AUTS2: variants seen among roughly 807,000 people sequenced by gnomAD.
AUTS2 encodes the protein activator of transcription and developmental regulator AUTS2.
A neutral mutation model predicts 112.4 loss-of-function variants in AUTS2; 17 were observed. The observed-to-expected ratio is 0.15, with a 90% CI of 0.10 to 0.23. The LOEUF (loss-of-function observed/expected upper bound fraction) is 0.23. Ranked by LOEUF, AUTS2 falls within the 10% of genes least tolerant of loss-of-function variation. The probability of loss-of-function intolerance (pLI) is 1.00; values close to 1 mark genes in which losing one functional copy is unlikely to be tolerated. For missense variants in AUTS2, 1,510 were observed against 1,701.6 expected, an observed-to-expected ratio of 0.89 and a Z score of 1.98; for synonymous variants, 751 against 702.7, an observed-to-expected ratio of 1.07 and a Z score of -1.09.
chr7:69,959,737 C>T (rs1489375526), intron 2 of AUTS2, among the ~76,000 whole-genome samples: 1 of 152,138 alleles, frequency 6.6e-6, no homozygotes. Flanking sequence ...AAAATCTGCA[C>T]ACTTCATACT....
At chr7:69,844,614 A>T (rs901381864) in intron 1 of AUTS2, among the ~76,000 whole-genome samples, 1 of 152,210 alleles carries the variant, frequency 6.6e-6, no homozygotes, top group Non-Finnish European at 1.5e-5. Context: ...CTACATTTAA[A>T]TGGAAATATT....
chr7:69,798,808 T>C (rs1047113095), intron 1 of AUTS2, among the ~76,000 whole-genome samples: 4 of 151,946 alleles, frequency 2.6e-5, no homozygotes, highest in African/African-American at 9.7e-5. Context: ...CTGGACAACA[T>C]AGTGGGATCC....
At chr7:70,505,787 A>T (rs1798936631) in intron 5 of AUTS2, among the ~76,000 whole-genome samples, 1 of 152,082 alleles carries the variant, frequency 6.6e-6, no homozygotes, top group African/African-American at 2.4e-5. Flanking sequence ...GGTTTGGGGG[A>T]GGTAGGACCT....
intron 4 of AUTS2, among the ~76,000 whole-genome samples, chr7:70,414,782 T>C (rs1011518046): frequency 2.6e-5 from 4 of 152,084 alleles, no homozygotes; most frequent in African/African-American, 9.7e-5. Flanking sequence ...GGGGAAAAAA[T>C]GTATAGCTTA....
intron 1 of AUTS2, among the ~76,000 whole-genome samples, chr7:69,778,325 A>C (rs1188961849): frequency 6.6e-6 from 1 of 150,570 alleles, no homozygotes; most frequent in East Asian, 1.9e-4. Flanking sequence ...TGGTCCATAG[A>C]CCACACTTGG....
At chr7:70,781,159 G>A (rs534742984) in intron 14 of AUTS2, among the ~76,000 whole-genome samples, 114 of 152,136 alleles carry the variant, frequency 7.5e-4, no homozygotes, top group African/African-American at 2.6e-3. Flanking sequence ...TCAGGAGTTT[G>A]AGACCAGCCT....
At chr7:70,738,037 A>G (rs1787871150) in intron 6 of AUTS2, among the ~76,000 whole-genome samples, 2 of 152,014 alleles carry the variant, frequency 1.3e-5, no homozygotes, top group Admixed American at 1.3e-4. Flanking sequence ...TTTGTCAGAT[A>G]AAGTCCATAA....
intron 5 of AUTS2, among the ~76,000 whole-genome samples, chr7:70,641,762 T>C (rs896160714): frequency 6.6e-6 from 1 of 152,196 alleles, no homozygotes; most frequent in Non-Finnish European, 1.5e-5. Context: ...GTCAAGTAGA[T>C]AGTGTTCTTC....
intron 5 of AUTS2, among the ~76,000 whole-genome samples, chr7:70,515,374 G>A (rs1799374137): frequency 6.8e-6 from 1 of 147,582 alleles, no homozygotes; most frequent in African/African-American, 2.7e-5. Flanking sequence ...CTCCTAGGAG[G>A]ATTTCCAAGG....
chr7:70,065,822 C>CA (rs1414264416), intron 2 of AUTS2, among the ~76,000 whole-genome samples: 1 of 152,190 alleles, frequency 6.6e-6, no homozygotes, highest in African/African-American at 2.4e-5. Flanking sequence ...CCTCCCACCT[C>CA]AGCCTCTTGG....
At chr7:70,196,817 T>C (rs975676336) in intron 4 of AUTS2, among the ~76,000 whole-genome samples, 1 of 152,198 alleles carries the variant, frequency 6.6e-6, no homozygotes, top group Non-Finnish European at 1.5e-5. Context: ...TTTGGTACTA[T>C]TAATGGTCAG....
chr7:69,970,079 AACC>A lies in AUTS2; in HGVS notation c.522+70590_522+70592del, dbSNP rs1304883107. ...ATAATAAAACAAACACTGTTTTTTT[AACC>A]ACCACCACACTAACACACATGTTCC... is the stretch of plus-strand genomic sequence containing the variant. On this transcript the variant is annotated intron_variant, in intron 2 of 18. Coordinates refer to ENST00000342771, the MANE Select transcript of AUTS2 (RefSeq NM_015570.4). 1.1e-4 allele frequency among the ~76,000 whole-genome samples: 17 copies of A among 152,308 alleles called. No individual in the cohort carries two copies. In the East Asian group the frequency reaches 3.3e-3, roughly 29 times the overall value.
intron 4 of AUTS2, among the ~76,000 whole-genome samples, chr7:70,241,689 C>G (rs1221160212): frequency 6.6e-6 from 1 of 152,126 alleles, no homozygotes; most frequent in Admixed American, 6.6e-5. Context: ...TGAACAAACT[C>G]ACAAAATATT....
At chr7:70,695,355 G>A (rs1339296102) in intron 5 of AUTS2, among the ~76,000 whole-genome samples, 2 of 152,238 alleles carry the variant, frequency 1.3e-5, no homozygotes, top group Non-Finnish European at 2.9e-5. Context: ...AGGGGGCCGG[G>A]GCCTGCGTCC....
At chr7:70,039,417 C>T (rs1801148674) in intron 2 of AUTS2, among the ~76,000 whole-genome samples, 1 of 152,082 alleles carries the variant, frequency 6.6e-6, no homozygotes, top group South Asian at 2.1e-4. Flanking sequence ...GGCTCAAGTG[C>T]AGTGGCGCGA....
chr7:70,578,925 T>C (rs1250532198), intron 5 of AUTS2, among the ~76,000 whole-genome samples: 2 of 137,898 alleles, frequency 1.5e-5, no homozygotes, highest in Non-Finnish European at 3.1e-5. Flanking sequence ...TTTTTTTCTT[T>C]CTTTTTTTTT....
chr7:69,631,847 A>C (rs1043448837), intron 1 of AUTS2, among the ~76,000 whole-genome samples: 3 of 152,224 alleles, frequency 2.0e-5, no homozygotes, highest in Non-Finnish European at 4.4e-5. Context: ...AAACACTAGA[A>C]CCTTGTATGT....
chr7:69,899,269 T>C lies in AUTS2; in HGVS notation c.310-17T>C, dbSNP rs1794871963. 6.3e-7 allele frequency: 1 copy of C among 1,599,510 alleles called. No homozygotes were observed. Among genetic ancestry groups the C allele is most frequent in the Non-Finnish European group, 8.6e-7 (1 of 1,166,928 alleles). ...TTTGTAACCACCACTTCCCTTTCCT[T>C]CTCTTCTTTTCTACAGAAAGATGTA... is the stretch of plus-strand genomic sequence containing the variant. On this transcript the variant is annotated splice_polypyrimidine_tract_variant and intron_variant, in intron 1 of 18. Transcript: ENST00000342771.
chr7:70,673,784 G>A (rs1475525484), intron 5 of AUTS2, among the ~76,000 whole-genome samples: 1 of 152,166 alleles, frequency 6.6e-6, no homozygotes, highest in Non-Finnish European at 1.5e-5. Flanking sequence ...AGTATTCTGT[G>A]TTGGTCACAG....
Sources: allele counts gnomAD v4.1 joint callset (sites outside exome capture counted in the v4.1 genomes callset), GRCh38; gene constraint gnomAD v4.1.1; transcripts MANE v1.5; gene names NCBI Gene and HGNC (gene_info 2026-07-23, HGNC 2026-07-21).